The following MCPH1 variants were observed in gnomAD, a reference collection of about 807,000 sequenced individuals.
MCPH1 encodes microcephalin.
MCPH1 carries 104 observed loss-of-function variants against 84.5 expected under a neutral mutation model. The ratio of observed to expected loss-of-function variants is 1.23; its 90% confidence interval spans 1.05 to 1.45. MCPH1 has a LOEUF of 1.45. Among genes scored for constraint, MCPH1 ranks in the 40% most tolerant of loss-of-function variants. The pLI, the probability that MCPH1 is intolerant of heterozygous loss-of-function variation, is 0.00. For missense variants in MCPH1, 1,498 were observed against 1,005.7 expected (o/e 1.49, Z -6.62); for synonymous variants, 514 against 366.8 (o/e 1.40, Z -4.58).
intron 12 of MCPH1, 164 bp downstream of exon 12, chr8:6,500,093 G>T: frequency 4.6e-6 from 3 of 659,066 alleles, no homozygotes; most frequent in Non-Finnish European, 8.1e-6. Flanking sequence ...TTATTCGCGA[G>T]AACAAATGTG....
intron 12 of MCPH1, among the ~76,000 whole-genome samples, chr8:6,605,946 C>T (rs113130527): frequency 1.3e-5 from 2 of 152,200 alleles, no homozygotes; most frequent in Non-Finnish European, 2.9e-5. Flanking sequence ...ATCTACCCCC[C>T]TTGGCCCCCC....
intron 12 of MCPH1, among the ~76,000 whole-genome samples, chr8:6,575,440 A>G (rs983900728): frequency 6.6e-6 from 1 of 152,198 alleles, no homozygotes; most frequent in Non-Finnish European, 1.5e-5. Context: ...GCTCTAGAAG[A>G]GATAATGATA....
At chr8:6,607,821 A>G (rs1371167579) in intron 12 of MCPH1, among the ~76,000 whole-genome samples, 2 of 152,206 alleles carry the variant, frequency 1.3e-5, no homozygotes, top group Non-Finnish European at 1.5e-5. Flanking sequence ...GGCAGGTGGA[A>G]CTGTGAGACC....
intron 12 of MCPH1, among the ~76,000 whole-genome samples, chr8:6,529,916 A>T (rs1249049323): frequency 6.6e-6 from 1 of 151,776 alleles, no homozygotes; most frequent in African/African-American, 2.4e-5. Flanking sequence ...CAACACAAGT[A>T]CATCAAATGC....
At chr8:6,617,438 C>T (rs188427778) in intron 12 of MCPH1, among the ~76,000 whole-genome samples, 5 of 152,008 alleles carry the variant, frequency 3.3e-5, no homozygotes, top group African/African-American at 1.2e-4. Context: ...TATCTTTTAA[C>T]ATTTTTTAGC....
chr8:6,449,320 G>T (rs1316279788), intron 8 of MCPH1, among the ~76,000 whole-genome samples: 1 of 152,158 alleles, frequency 6.6e-6, no homozygotes, highest in Admixed American at 6.5e-5. Context: ...CCTCAATTGT[G>T]CAGTTAAATG....
intron 9 of MCPH1, among the ~76,000 whole-genome samples, chr8:6,466,473 A>T (rs1806962677): frequency 6.6e-6 from 1 of 152,082 alleles, no homozygotes; most frequent in South Asian, 2.1e-4. Flanking sequence ...ACACCTGGCT[A>T]AGTTTTTGTA....
intron 9 of MCPH1, 147 bp downstream of exon 9, chr8:6,455,399 T>A: frequency 1.5e-6 from 1 of 671,164 alleles, no homozygotes; most frequent in South Asian, 1.8e-5. Context: ...AAACTCAGAA[T>A]ATGAAACTGA....
chr8:6,480,556 C>T (rs1035797893), intron 10 of MCPH1, among the ~76,000 whole-genome samples, 158 bp from the exon 11 acceptor site: 3 of 152,158 alleles, frequency 2.0e-5, no homozygotes, highest in Non-Finnish European at 4.4e-5. Context: ...GGTTTCAAAG[C>T]ATTGATTATA....
chr8:6,448,541 T>A (rs1867386), intron 8 of MCPH1, among the ~76,000 whole-genome samples: 107,076 of 152,138 alleles, frequency 0.7, 40,579 homozygotes, highest in Non-Finnish European at 0.83. Context: ...GTAACCATGG[T>A]CACTGAAGAA....
chr8:6,522,546 G>A (rs1484429897), intron 12 of MCPH1, among the ~76,000 whole-genome samples: 2 of 152,104 alleles, frequency 1.3e-5, no homozygotes, highest in Non-Finnish European at 2.9e-5. Context: ...GGCTGAGGCA[G>A]GTGTATCACT....
intron 5 of MCPH1, among the ~76,000 whole-genome samples, chr8:6,437,695 C>A (rs578082384): frequency 3.3e-5 from 5 of 152,306 alleles, no homozygotes; most frequent in East Asian, 1.9e-4. Flanking sequence ...TTCACACCAG[C>A]TGTCTCGTCT....
At chr8:6,603,011 A>G (rs1361236067) in intron 12 of MCPH1, among the ~76,000 whole-genome samples, 1 of 151,974 alleles carries the variant, frequency 6.6e-6, no homozygotes. Context: ...CCGGTGTACT[A>G]TAAACCCAGG....
intron 13 of MCPH1, among the ~76,000 whole-genome samples, chr8:6,631,357 G>A (rs1319526029): frequency 1.3e-5 from 2 of 152,118 alleles, no homozygotes; most frequent in African/African-American, 2.4e-5. Flanking sequence ...AGACTTCAGT[G>A]CATCAAAGGA....
intron 12 of MCPH1, among the ~76,000 whole-genome samples, chr8:6,520,392 A>G (rs566025983): frequency 1.3e-5 from 2 of 152,172 alleles, no homozygotes; most frequent in Non-Finnish European, 2.9e-5. Flanking sequence ...TGTTATCTGT[A>G]TCATGACCCC....
chr8:6,619,860 A>C (rs188068075), intron 12 of MCPH1, among the ~76,000 whole-genome samples: 1 of 152,360 alleles, frequency 6.6e-6, no homozygotes, highest in Admixed American at 6.5e-5. Context: ...CTGGGATTAC[A>C]GGTGTGAGCC....
At chr8:6,474,200 G>A in intron 9 of MCPH1, 1 of 702,990 alleles carries the variant, frequency 1.4e-6, no homozygotes. Flanking sequence ...ATCTAAAATG[G>A]GACAATTATA....
rs76181284 is a variant in MCPH1, at chr8:6,513,125, C to G, written c.2214+13196C>G. Among the ~76,000 whole-genome samples the G allele has an allele frequency of 4.5e-3, 684 of 152,272 alleles. 2 individuals are homozygous for G. Among genetic ancestry groups the G allele is most frequent in the African/African-American group, 0.016 (651 of 41,544 alleles). ...AGCCAATTATCTACCAGGCAGAGTT[C>G]TTCTAGGCTTTGAAGATACACAGTA... On this transcript the variant is annotated intron_variant, in intron 12 of 13. Coordinates refer to ENST00000344683, the MANE Select transcript of MCPH1 (RefSeq NM_024596.5).
chr8:6,457,300 C>T (rs746394089), intron 9 of MCPH1, among the ~76,000 whole-genome samples: 2 of 151,670 alleles, frequency 1.3e-5, no homozygotes, highest in Non-Finnish European at 2.9e-5. Context: ...GTTTTAAATG[C>T]AGATTTTCTG....
Sources: allele counts gnomAD v4.1 joint callset (sites outside exome capture counted in the v4.1 genomes callset), GRCh38; gene constraint gnomAD v4.1.1; transcripts MANE v1.5; gene names NCBI Gene and HGNC (gene_info 2026-07-23, HGNC 2026-07-21).